The following MOB3A variants were observed in gnomAD, a reference collection of about 807,000 sequenced individuals.
The protein encoded by MOB3A is MOB LAK.
A neutral mutation model predicts 17.8 loss-of-function variants in MOB3A; 17 were observed. The ratio of observed to expected loss-of-function variants is 0.95; its 90% CI spans 0.65 to 1.43. MOB3A has a LOEUF of 1.43. MOB3A is among the 40% of genes most tolerant of loss of function. The pLI, the probability that MOB3A is intolerant of heterozygous loss-of-function variation, is 0.00. For missense variants in MOB3A, 333 were observed against 310.8 expected (o/e 1.07, Z -0.54); for synonymous variants, 124 against 133.2 (o/e 0.93, Z 0.48).
chr19:2,073,972 C>T (rs1195128755), intron 4 of MOB3A, among the ~76,000 whole-genome samples: 1 of 146,010 alleles, frequency 6.8e-6, no homozygotes, highest in Non-Finnish European at 1.5e-5. Flanking sequence ...CAGAGGTTAC[C>T]GTGAGCCAAG....
At position 2,093,782 on chromosome 19, in the gene MOB3A, T is replaced by G. The variant is rs1432340881; in HGVS notation, c.-274+2444A>C. 1.3e-5 allele frequency among the ~76,000 whole-genome samples: 2 copies of G among 151,984 alleles called. No individual in the cohort carries two copies. Among genetic ancestry groups the G allele is most frequent in the African/African-American group, 4.8e-5 (2 of 41,380 alleles). On this transcript the variant is annotated intron_variant, in intron 1 of 4. Transcript: ENST00000357066. The surrounding 1 kb of genome is among the most constrained non-coding windows in gnomAD (Gnocchi z 4.6). Reference sequence around the variant, plus strand: ...TGGGAAGGGTGCAGTGGAACGGGTGTTGCTTGAGGTGGGTGCCTGTGTCGT... The same window carrying G: ...TGGGAAGGGTGCAGTGGAACGGGTGGTGCTTGAGGTGGGTGCCTGTGTCGT...
intron 2 of MOB3A, among the ~76,000 whole-genome samples, chr19:2,080,974 C>G (rs1329690787): frequency 6.6e-6 from 1 of 152,058 alleles, no homozygotes; most frequent in Non-Finnish European, 1.5e-5. Context: ...GACCTCGTCT[C>G]TACAAAAAAA....
Position 2,071,764 on chromosome 19 carries a change from G to A in MOB3A, c.*1631C>T. On this transcript the variant is annotated 3_prime_UTR_variant, in exon 5 of 5. Transcript: ENST00000357066. ...CAGCATCTGGGAAAGGCCAATTCTG[G>A]CAGAACTGGAAGATTCCAGACCAGG... 1 of 153,296 alleles carries A rather than the reference G, an allele frequency of 6.5e-6. No individual in the cohort carries two copies. The allele number at this position is 153,296 out of a possible 1,614,324, so 9.5% of individuals were successfully genotyped here. A position where few individuals can be genotyped will look rare whatever the true frequency, so the allele number is the denominator to read the frequency against.
intron 3 of MOB3A, 110 bp downstream of exon 3, chr19:2,078,030 G>A: frequency 8.7e-7 from 1 of 1,143,166 alleles, no homozygotes; most frequent in Non-Finnish European, 1.2e-6. Context: ...AGCGATCCCT[G>A]GGCTCGGCCT....
In MOB3A at chr19:2,093,128, C is replaced by T. The variant is rs2017632122; in HGVS notation, c.-274+3098G>A. The stretch of plus-strand genomic sequence containing the variant: ...TTTTCTGAAACCTCCACCATCAGGT[C>T]CCTAAGGTGGGAGGATACCTCCTTG... On this transcript the variant is annotated intron_variant, in intron 1 of 4. Transcript: ENST00000357066. This position sits in a 1 kb window ranked among gnomAD's most constrained non-coding sequence, Gnocchi z 4.6. 6.6e-6 allele frequency among the ~76,000 whole-genome samples: 1 copy of T among 152,080 alleles called. No individual in the cohort carries two copies. Among genetic ancestry groups the T allele is most frequent in the Admixed American group, 6.5e-5 (1 of 15,268 alleles).
At chr19:2,080,068 G>A (rs1263721363) in intron 2 of MOB3A, among the ~76,000 whole-genome samples, 3 of 152,192 alleles carry the variant, frequency 2.0e-5, no homozygotes, top group Admixed American at 6.5e-5. Flanking sequence ...GCCTGTCACC[G>A]CCAACACCGT....
intron 1 of MOB3A, among the ~76,000 whole-genome samples, chr19:2,090,950 C>G (rs1010767578): frequency 6.6e-6 from 1 of 152,204 alleles, no homozygotes; most frequent in Non-Finnish European, 1.5e-5. Flanking sequence ...GCGTGAGCCA[C>G]CGCGCCCGGC....
Position 2,093,064 on chromosome 19 carries a change from C to T in MOB3A, c.-274+3162G>A, listed in dbSNP as rs963521410. Among the ~76,000 whole-genome samples the T allele has an allele frequency of 6.6e-6, 1 of 152,136 alleles. No homozygotes were observed. Among genetic ancestry groups the T allele is most frequent in the African/African-American group, 2.4e-5 (1 of 41,442 alleles). On this transcript the variant is annotated intron_variant, in intron 1 of 4. Coordinates refer to ENST00000357066, the MANE Select transcript of MOB3A (RefSeq NM_130807.3). The surrounding 1 kb of genome is among the most constrained non-coding windows in gnomAD (Gnocchi z 4.6). ...CGGCTGGGGAAGGTCTAAAACTCCCCACCTTAAAACCCCAAGCTCAGTCAG... is the reference window on the plus strand; with the variant it reads ...CGGCTGGGGAAGGTCTAAAACTCCCTACCTTAAAACCCCAAGCTCAGTCAG...
At chr19:2,074,188 G>A (rs1191206633) in intron 4 of MOB3A, among the ~76,000 whole-genome samples, 1 of 152,176 alleles carries the variant, frequency 6.6e-6, no homozygotes, top group African/African-American at 2.4e-5. Context: ...CAGCTACTCA[G>A]GAGGCTGAGG....
At chr19:2,095,084 T>C (rs750375646) in intron 1 of MOB3A, among the ~76,000 whole-genome samples, 15 of 152,124 alleles carry the variant, frequency 9.9e-5, no homozygotes, top group Non-Finnish European at 1.9e-4. Flanking sequence ...GGCAGGAGGA[T>C]CACTTGCACC....
intron 2 of MOB3A, 22 bp from the exon 3 acceptor site, chr19:2,078,701 T>C (rs954643180): frequency 7.4e-5 from 58 of 786,498 alleles, no homozygotes; most frequent in Middle Eastern, 2.7e-4. Flanking sequence ...AGGGGAATCA[T>C]GACCTGCTGG....
chr19:2,095,438 T>A (rs2017670641), intron 1 of MOB3A: 1 of 152,366 alleles, frequency 6.6e-6, no homozygotes, highest in Non-Finnish European at 1.5e-5. Flanking sequence ...GCCAGCGACT[T>A]TGGGGACCCC....
At position 2,080,156 on chromosome 19, in the gene MOB3A, C is replaced by CT. The variant is rs1319554868; in HGVS notation, c.-119-1478dup. ...CCCCACCCTGCTCTGCTGGGTGCAC[C>CT]TTCTGGACGGGCAGAGACTTGACTG... On this transcript the variant is annotated intron_variant, in intron 2 of 4. Coordinates refer to ENST00000357066, the MANE Select transcript of MOB3A (RefSeq NM_130807.3). 2.0e-5 allele frequency among the ~76,000 whole-genome samples: 3 copies of CT among 152,188 alleles called. No individual in the cohort carries two copies. The East Asian group carries it at 5.8e-4, about 29-fold the overall frequency.
At chr19:2,091,782 A>T (rs927425871) in intron 1 of MOB3A, among the ~76,000 whole-genome samples, 1 of 151,222 alleles carries the variant, frequency 6.6e-6, no homozygotes, top group Non-Finnish European at 1.5e-5. Context: ...GTGGATCACA[A>T]GGTCAGGAGT....
In MOB3A at chr19:2,073,412, C is replaced by A. The variant is rs142028177; in HGVS notation, c.637G>T (p.Ala213Ser). 7 of 1,613,644 alleles carry A rather than the reference C, an allele frequency of 4.3e-6. No homozygotes were observed. Among genetic ancestry groups the A allele is most frequent in the Non-Finnish European group, 5.1e-6 (6 of 1,180,016 alleles). ...CGGGGCTCTCAGTGGCACATCCGGG[C>A]GGTCATTTCTTTCTGTAAAGAGCAA... is the stretch of plus-strand genomic sequence containing the variant. ...KELEPLKEMTARMCH is the reference protein window; with the variant it reads ...KELEPLKEMTSRMCH Residue 213 changes from alanine (A) to serine (S), a missense_variant, in exon 5 of 5, where the codon GCC becomes TCC. Ala to Ser is a moderately conservative substitution (Grantham distance 99). Coordinates refer to ENST00000357066, the MANE Select transcript of MOB3A (RefSeq NM_130807.3).
chr19:2,081,687 C>T (rs2144925472), intron 2 of MOB3A, among the ~76,000 whole-genome samples: 1 of 152,242 alleles, frequency 6.6e-6, no homozygotes, highest in South Asian at 2.1e-4. Context: ...AGTTCAAGAC[C>T]AGCCTGACCA....
In MOB3A at chr19:2,082,409, T is replaced by C. The variant is rs191338867; in HGVS notation, c.-120+2766A>G. Reference sequence around the variant, plus strand: ...TGCCCAGACATCACCCAGTGTCCCTTTGGGTTAAGATTAGATCGCCCTGGG... The same window carrying C: ...TGCCCAGACATCACCCAGTGTCCCTCTGGGTTAAGATTAGATCGCCCTGGG... On this transcript the variant is annotated intron_variant, in intron 2 of 4. Coordinates refer to ENST00000357066, the MANE Select transcript of MOB3A (RefSeq NM_130807.3). The surrounding 1 kb of genome is among the most constrained non-coding windows in gnomAD (Gnocchi z 4.1). 6.6e-6 allele frequency among the ~76,000 whole-genome samples: 1 copy of C among 152,230 alleles called. No individual in the cohort carries two copies. Among genetic ancestry groups the C allele is most frequent in the Non-Finnish European group, 1.5e-5 (1 of 68,002 alleles).
chr19:2,083,817 C>A (rs2017519616), intron 2 of MOB3A, among the ~76,000 whole-genome samples: 1 of 152,252 alleles, frequency 6.6e-6, no homozygotes. Flanking sequence ...CCTGGTTGGG[C>A]AGGCGGGGCC....
chr19:2,074,699 C>T (rs1219386252), intron 4 of MOB3A, among the ~76,000 whole-genome samples: 2 of 151,868 alleles, frequency 1.3e-5, no homozygotes, highest in Non-Finnish European at 2.9e-5. Flanking sequence ...ATCACAAGTG[C>T]CCACCACCAT....
Sources: allele counts gnomAD v4.1 joint callset (sites outside exome capture counted in the v4.1 genomes callset), GRCh38; gene constraint gnomAD v4.1.1; non-coding constraint Gnocchi (gnomAD v3.1); transcripts MANE v1.5; gene names NCBI Gene and HGNC (gene_info 2026-07-23, HGNC 2026-07-21).